The following CEP128 variants were observed in gnomAD, a reference collection of about 807,000 sequenced individuals.
CEP128 encodes the protein centrosomal protein 128kDa.
Under a neutral mutation model 156.7 loss-of-function variants are expected in CEP128, and 132 were observed. That is an observed-to-expected ratio of 0.84 (90% CI 0.73 to 0.97). The LOEUF (loss-of-function observed/expected upper bound fraction) is 0.97. CEP128 is among the 50% of genes least tolerant of loss of function. CEP128 has a pLI of 0.00. For synonymous variants in CEP128, 469 were observed against 448.9 expected (o/e 1.04, Z -0.57); for missense variants, 1,252 against 1,281.9 (o/e 0.98, Z 0.36).
At chr14:80,576,606 CAT>C (rs1293663100) in intron 20 of CEP128, among the ~76,000 whole-genome samples, 3 of 150,800 alleles carry the variant, frequency 2.0e-5, no homozygotes, top group Non-Finnish European at 2.9e-5. Flanking sequence ...TACTACCACT[CAT>C]GTGAAATTAC....
chr14:80,529,514 G>A (rs2140273015), intron 22 of CEP128, among the ~76,000 whole-genome samples: 1 of 152,248 alleles, frequency 6.6e-6, no homozygotes, highest in South Asian at 2.1e-4. Context: ...AAAGTGATCT[G>A]TCACTGGAGG....
At chr14:80,597,321 T>C (rs1214608567) in intron 19 of CEP128, among the ~76,000 whole-genome samples, 3 of 152,162 alleles carry the variant, frequency 2.0e-5, no homozygotes, top group Non-Finnish European at 4.4e-5. Context: ...CTTACAAACA[T>C]AAATTTGATA....
intron 19 of CEP128, among the ~76,000 whole-genome samples, chr14:80,719,055 T>C (rs772525020): frequency 6.6e-6 from 1 of 152,162 alleles, no homozygotes; most frequent in African/African-American, 2.4e-5. Context: ...AACCGGCAGA[T>C]GGCAATGAAA....
At chr14:80,924,645 T>C (rs2139550779) in intron 2 of CEP128, among the ~76,000 whole-genome samples, 1 of 152,014 alleles carries the variant, frequency 6.6e-6, no homozygotes, top group African/African-American at 2.4e-5. Context: ...TAGAGAAAAG[T>C]AGACAGGATC....
rs575176266 is a variant in CEP128, at chr14:80,768,077, G to A, written c.2377-6464C>T. On this transcript the variant is annotated intron_variant, in intron 16 of 24. Transcript: ENST00000555265. ...TCTACTCATTGACAAGCATTTTTGA[G>A]CACATTAAATGTGTCAAGCATACAA... 7.9e-5 allele frequency among the ~76,000 whole-genome samples: 12 copies of A among 152,164 alleles called. 1 individual carries two copies. The South Asian group carries it at 2.5e-3, about 32-fold the overall frequency.
chr14:80,734,802 C>T (rs186564479), intron 19 of CEP128, among the ~76,000 whole-genome samples: 6 of 140,122 alleles, frequency 4.3e-5, no homozygotes, highest in Admixed American at 3.0e-4. Context: ...GAGCTGAGAT[C>T]GCACCACTGC....
rs1007683883 is a variant in CEP128, at chr14:80,823,607, G to GA, written c.1209+7535dup. Reference sequence around the variant, plus strand: ...TAAAGCTGGATACAGTTTGGCTTGGGAAAAAAAAAAAAACTCCAAAATGAT... The same window carrying GA: ...TAAAGCTGGATACAGTTTGGCTTGGGAAAAAAAAAAAAAACTCCAAAATGAT... On this transcript the variant is annotated intron_variant, in intron 13 of 24. Coordinates refer to ENST00000555265, the MANE Select transcript of CEP128 (RefSeq NM_152446.5). Among the ~76,000 whole-genome samples the GA allele has an allele frequency of 8.7e-3, 1,085 of 124,790 alleles. 5 individuals are homozygous for GA. Among genetic ancestry groups the GA allele is most frequent in the African/African-American group, 0.023 (860 of 37,462 alleles). 81.9% of individuals were successfully genotyped at this position (124,790 alleles called of 152,430 possible). A position where few individuals can be genotyped will look rare whatever the true frequency, so the allele number is the denominator to read the frequency against.
chr14:80,608,816 C>T (rs1025090875), intron 19 of CEP128, among the ~76,000 whole-genome samples: 3 of 152,090 alleles, frequency 2.0e-5, no homozygotes, highest in African/African-American at 7.2e-5. Flanking sequence ...GTACCCTGTG[C>T]CTTGCTTTAA....
intron 19 of CEP128, among the ~76,000 whole-genome samples, chr14:80,584,161 TTTG>T (rs564196049): frequency 0.24 from 22,843 of 96,418 alleles, 2,735 homozygotes; most frequent in African/African-American, 0.39. Flanking sequence ...TTTTTTTTTT[TTTG>T]TTTGACAGCG....
chr14:80,873,931 T>C (rs542470569), intron 8 of CEP128, among the ~76,000 whole-genome samples: 15 of 152,310 alleles, frequency 9.8e-5, no homozygotes, highest in African/African-American at 3.4e-4. Context: ...CTGTCATCCA[T>C]GTAAGACCTG....
intron 19 of CEP128, among the ~76,000 whole-genome samples, chr14:80,682,128 G>C (rs888009485): frequency 6.6e-6 from 1 of 151,860 alleles, no homozygotes; most frequent in Non-Finnish European, 1.5e-5. Flanking sequence ...AATAAAAAAG[G>C]AAAAAAGAAA....
In CEP128 at chr14:80,864,987, A is replaced by G. The variant is rs530985329; in HGVS notation, c.646-2114T>C. ...TACTTAGCTAACATTATTTTTGCCA[A>G]TACTGTAGTCACCATTTTGTACATT... On this transcript the variant is annotated intron_variant, in intron 8 of 24. Coordinates refer to ENST00000555265, the MANE Select transcript of CEP128 (RefSeq NM_152446.5). Among the ~76,000 whole-genome samples, 65 of 152,334 alleles carry G rather than the reference A, an allele frequency of 4.3e-4. 1 individual carries two copies. The South Asian group carries it at 0.013, about 32-fold the overall frequency.
intron 1 of CEP128, among the ~76,000 whole-genome samples, chr14:80,940,672 C>CCTT (rs4016431): frequency 0.63 from 93,267 of 148,958 alleles, 29,348 homozygotes; most frequent in East Asian, 0.69. Flanking sequence ...GAGCCAGACT[C>CCTT]CTCAAAAAAA....
intron 19 of CEP128, among the ~76,000 whole-genome samples, chr14:80,596,202 T>C (rs1892311768): frequency 6.6e-6 from 1 of 152,056 alleles, no homozygotes; most frequent in South Asian, 2.1e-4. Context: ...TTAGAGTGAA[T>C]TAAAGAACAT....
At position 80,708,012 on chromosome 14, in the gene CEP128, T is replaced by A. The variant is rs554900413; in HGVS notation, c.2806+35063A>T. Among the ~76,000 whole-genome samples the A allele has an allele frequency of 1.1e-3, 175 of 152,310 alleles. 1 individual carries two copies. Among genetic ancestry groups the A allele is most frequent in the African/African-American group, 3.8e-3 (160 of 41,576 alleles). On this transcript the variant is annotated intron_variant, in intron 19 of 24. Coordinates refer to ENST00000555265, the MANE Select transcript of CEP128 (RefSeq NM_152446.5). Reference sequence around the variant, plus strand: ...CATATAAGTCATTTATCTCATATTATGGTATATCCTGTAGATTAATGTGCC... The same window carrying A: ...CATATAAGTCATTTATCTCATATTAAGGTATATCCTGTAGATTAATGTGCC...
rs529197937 is a variant in CEP128 at position 80,521,234 on chromosome 14, T to C, written c.3072+5635A>G. ...TAAATTTAATTGGTATTTCTTTTGTTTTTAGTACCTAGAATTTTGAATTAG... is the reference window on the plus strand; with the variant it reads ...TAAATTTAATTGGTATTTCTTTTGTCTTTAGTACCTAGAATTTTGAATTAG... On this transcript the variant is annotated intron_variant, in intron 23 of 24. Transcript: ENST00000555265. Among the ~76,000 whole-genome samples, 4 of 152,236 alleles carry C rather than the reference T, an allele frequency of 2.6e-5. No individual in the cohort carries two copies. In the South Asian group the frequency reaches 6.2e-4, roughly 24 times the overall value.
At chr14:80,606,976 C>CAT (rs1892806134) in intron 19 of CEP128, among the ~76,000 whole-genome samples, 2 of 150,564 alleles carry the variant, frequency 1.3e-5, no homozygotes, top group South Asian at 2.1e-4. Context: ...CACATATATA[C>CAT]ATATATATAC....
rs1283141196 is a variant in CEP128, at chr14:80,792,772, G to T, written c.1548C>A (p.Gly516=). 1.2e-6 allele frequency: 2 copies of T among 1,613,270 alleles called. No individual in the cohort carries two copies. The highest frequency in any genetic ancestry group is 8.5e-7 in the Non-Finnish European group (1 of 1,179,366). Residue 516 remains glycine (G), a synonymous_variant, in exon 14 of 25, where the codon GGC becomes GGA. Coordinates refer to ENST00000555265, the MANE Select transcript of CEP128 (RefSeq NM_152446.5). The stretch of plus-strand genomic sequence containing the variant: ...GTGGCTTTTATACCTGATTATTCTT[G>T]CCTGTCAGTTCATCAACAGTTTCAG... ...KQSETVDELT[G]KNNQILKEKD...
At chr14:80,636,624 A>G (rs139709558) in intron 19 of CEP128, among the ~76,000 whole-genome samples, 1 of 152,262 alleles carries the variant, frequency 6.6e-6, no homozygotes. Context: ...ATCTATCACA[A>G]GTTTCCTCAG....
Sources: allele counts gnomAD v4.1 joint callset (sites outside exome capture counted in the v4.1 genomes callset), GRCh38; gene constraint gnomAD v4.1.1; transcripts MANE v1.5; gene names NCBI Gene and HGNC (gene_info 2026-07-23, HGNC 2026-07-21).